The following KIF23 variants were observed in gnomAD, a reference collection of about 807,000 sequenced individuals.
KIF23 encodes the protein kinesin-like protein KIF23.
KIF23 carries 30 observed loss-of-function variants against 137.5 expected under a neutral mutation model. The observed-to-expected ratio is 0.22, with a 90% CI of 0.16 to 0.30. The LOEUF (loss-of-function observed/expected upper bound fraction) is 0.30. KIF23 is among the 10% of genes least tolerant of loss of function. KIF23 has a pLI of 1.00. For missense variants in KIF23, 920 were observed against 1,194.3 expected, an observed-to-expected ratio of 0.77 and a Z score of 3.38; for synonymous variants, 367 against 391.1, an observed-to-expected ratio of 0.94 and a Z score of 0.73.
chr15:69,423,162 A>T lies in KIF23; in HGVS notation c.567A>T (p.Arg189=), dbSNP rs746898302. ...AATTGAACTTTTCTTTTTTTAGACG[A>T]CAAGTAGATCCAGAGTTTGCAGATA... ...MPNPKTSSSK[R]QVDPEFADMI... The change falls in exon 7 of 24, where the codon CGA becomes CGT. Residue 189 remains arginine (R), a synonymous_variant. Transcript: ENST00000679126. 1.3e-6 allele frequency: 2 copies of T among 1,575,108 alleles called. No homozygotes were observed. Among genetic ancestry groups the T allele is most frequent in the South Asian group, 2.3e-5 (2 of 85,480 alleles).
intron 10 of KIF23, among the ~76,000 whole-genome samples, chr15:69,428,251 C>T (rs1459414727): frequency 6.7e-6 from 1 of 149,556 alleles, no homozygotes; most frequent in Non-Finnish European, 1.5e-5. Context: ...GAGACTCTGT[C>T]TAAAAAAAAA....
intron 10 of KIF23, 71 bp downstream of exon 10, chr15:69,426,528 G>T: frequency 6.5e-7 from 1 of 1,531,162 alleles, no homozygotes; most frequent in East Asian, 2.3e-5. Context: ...GAGTAATCCA[G>T]CCAACATGGC....
intron 3 of KIF23, among the ~76,000 whole-genome samples, chr15:69,419,713 A>G (rs1448509114): frequency 1.3e-5 from 2 of 152,192 alleles, no homozygotes; most frequent in South Asian, 2.1e-4. Flanking sequence ...TCCAGGGAAT[A>G]TGTACCTTAT....
intron 4 of KIF23, 88 bp from the exon 5 acceptor site, chr15:69,421,904 T>G: frequency 2.0e-6 from 3 of 1,515,040 alleles, no homozygotes; most frequent in Non-Finnish European, 2.7e-6. Context: ...TTGAGCTGGC[T>G]AATTGTTAGT....
chr15:69,427,425 T>G, intron 10 of KIF23: 1 of 456,084 alleles, frequency 2.2e-6, no homozygotes, highest in Non-Finnish European at 4.4e-6. Context: ...GAAAAAAGTT[T>G]GCAAATCTTT....
chr15:69,427,810 G>A (rs1173517270), intron 10 of KIF23, among the ~76,000 whole-genome samples: 1 of 152,188 alleles, frequency 6.6e-6, no homozygotes, highest in Non-Finnish European at 1.5e-5. Flanking sequence ...TGGTATTGAA[G>A]ACCTCCAGGA....
chr15:69,421,602 A>G (rs759967756), intron 3 of KIF23, 45 bp from the exon 4 acceptor site: 6 of 1,175,788 alleles, frequency 5.1e-6, no homozygotes, highest in South Asian at 3.7e-5. Context: ...TTTAGCCTAG[A>G]TAATAGTGGA....
chr15:69,447,837 T>G lies in KIF23; in HGVS notation c.*30T>G. On this transcript the variant is annotated 3_prime_UTR_variant, in exon 24 of 24. Transcript: ENST00000679126. ...ACAGTCCCAGTACTGAAAGAACATT[T>G]TCATTTGTGTGGATGATTTCTCGAA... The G allele has an allele frequency of 1.9e-6, 3 of 1,597,892 alleles. No individual in the cohort carries two copies. Among genetic ancestry groups the G allele is most frequent in the Non-Finnish European group, 1.7e-6 (2 of 1,167,974 alleles).
At chr15:69,421,541 C>A in intron 3 of KIF23, 106 bp from the exon 4 acceptor site, 2 of 681,204 alleles carry the variant, frequency 2.9e-6, no homozygotes, top group Non-Finnish European at 5.1e-6. Context: ...TTTTTCTTTG[C>A]ATGCTTAGAT....
chr15:69,439,064 C>CTCCA (rs780364515), intron 16 of KIF23, among the ~76,000 whole-genome samples: 1 of 151,282 alleles, frequency 6.6e-6, no homozygotes, highest in South Asian at 2.1e-4. Context: ...CACGACTGCA[C>CTCCA]TCCAGCCTAG....
At chr15:69,440,737 T>C (rs749202478) in intron 18 of KIF23, 31 bp from the exon 19 acceptor site, 2 of 1,550,922 alleles carry the variant, frequency 1.3e-6, no homozygotes, top group Non-Finnish European at 1.7e-6. Flanking sequence ...TTTTTCAGTC[T>C]TGCTCATTAA....
intron 11 of KIF23, chr15:69,435,095 G>A (rs564478132): frequency 1.3e-4 from 63 of 488,222 alleles, no homozygotes; most frequent in East Asian, 1.2e-3. Flanking sequence ...GAAGCGGGAC[G>A]GTGGCCTGGG....
At chr15:69,427,327 T>C (rs759686344) in intron 10 of KIF23, 2 of 453,228 alleles carry the variant, frequency 4.4e-6, no homozygotes, top group Admixed American at 2.4e-5. Flanking sequence ...TGACTCTGTA[T>C]GTAGGCGATG....
chr15:69,426,221 A>G (rs1368841227), intron 9 of KIF23, 39 bp downstream of exon 9: 17 of 1,588,424 alleles, frequency 1.1e-5, no homozygotes, highest in Non-Finnish European at 1.4e-5. Context: ...CAGAATGATG[A>G]ATATCACCTA....
At chr15:69,425,766 G>T (rs982146186) in intron 8 of KIF23, 5 of 169,554 alleles carry the variant, frequency 2.9e-5, no homozygotes, top group African/African-American at 9.5e-5. Flanking sequence ...ATACTACTTT[G>T]GTCTCTAAAT....
chr15:69,434,719 G>T, intron 11 of KIF23: 3 of 1,388,986 alleles, frequency 2.2e-6, no homozygotes, highest in Non-Finnish European at 3.0e-6. Context: ...GGAGGATCAG[G>T]GATCTTCTCC....
At chr15:69,418,307 T>G (rs893925890) in intron 3 of KIF23, among the ~76,000 whole-genome samples, 6 of 152,184 alleles carry the variant, frequency 3.9e-5, no homozygotes, top group Non-Finnish European at 8.8e-5. Context: ...TCTCCTTGTA[T>G]CTCCAGCTGA....
intron 2 of KIF23, among the ~76,000 whole-genome samples, chr15:69,416,949 C>CCAAA (rs10622322): frequency 2.7e-5 from 4 of 150,240 alleles, no homozygotes; most frequent in Admixed American, 6.6e-5. Flanking sequence ...AACTCTGTCT[C>CCAAA]TAAATAAATA....
chr15:69,424,431 A>G (rs980523793), intron 7 of KIF23, among the ~76,000 whole-genome samples: 1 of 152,246 alleles, frequency 6.6e-6, no homozygotes, highest in Non-Finnish European at 1.5e-5. Flanking sequence ...GGAGTGACCT[A>G]TCTATATTTA....
Sources: gnomAD v4.1 joint callset for allele counts (sites outside exome capture counted in the v4.1 genomes callset) on GRCh38, gnomAD v4.1.1 for gene constraint, MANE v1.5 for transcripts, NCBI Gene and HGNC (gene_info 2026-07-23, HGNC 2026-07-21) for gene names.